Variants in LANCL1 observed in about 807,000 individuals in gnomAD.
LANCL1 encodes glutathione S-transferase LANCL1.
A neutral mutation model predicts 50.6 loss-of-function variants in LANCL1; 50 were observed. The observed-to-expected ratio is 0.99, with a 90% CI of 0.79 to 1.25. LANCL1 has a LOEUF of 1.25. LANCL1 is among the 50% of genes most tolerant of loss of function. The pLI is 0.00. For missense variants in LANCL1, 532 were observed against 480.7 expected (o/e 1.11, Z -1.00); for synonymous variants, 188 against 178.6 (o/e 1.05, Z -0.42).
At chr2:210,457,178 G>T (rs993159707) in intron 3 of LANCL1, among the ~76,000 whole-genome samples, 6 of 152,252 alleles carry the variant, frequency 3.9e-5, no homozygotes, top group African/African-American at 1.4e-4. Context: ...TGGTGGAAAA[G>T]GACTTTAAGT....
intron 4 of LANCL1, among the ~76,000 whole-genome samples, 171 bp from the exon 5 acceptor site, chr2:210,441,614 TCTTCA>T (rs1398314111): frequency 3.9e-5 from 6 of 152,304 alleles, no homozygotes; most frequent in African/African-American, 1.4e-4. Context: ...CCATTAAATT[TCTTCA>T]CTTAACAATG....
At chr2:210,463,939 T>C (rs3770693) in intron 3 of LANCL1, among the ~76,000 whole-genome samples, 19,939 of 152,224 alleles carry the variant, frequency 0.13, 1,675 homozygotes, top group African/African-American at 0.22. Flanking sequence ...GAAATGACGT[T>C]TGAGTTCTAT....
intron 6 of LANCL1, among the ~76,000 whole-genome samples, chr2:210,439,324 ATT>A (rs1693046165): frequency 1.3e-5 from 2 of 152,244 alleles, no homozygotes; most frequent in African/African-American, 4.8e-5. Context: ...TCTCCTGATT[ATT>A]TGTTTCAATG....
intron 9 of LANCL1, 91 bp from the exon 10 acceptor site, chr2:210,434,654 A>G: frequency 3.9e-6 from 4 of 1,030,258 alleles, no homozygotes; most frequent in Non-Finnish European, 5.9e-6. Context: ...ATTGACAAAA[A>G]AAGTCACAGC....
chr2:210,449,405 G>A (rs1004718307), intron 4 of LANCL1, among the ~76,000 whole-genome samples: 10 of 152,146 alleles, frequency 6.6e-5, no homozygotes, highest in Admixed American at 5.9e-4. Flanking sequence ...CATACTGAAT[G>A]GGCAAAAACT....
chr2:210,472,167 T>C (rs1694246385), intron 2 of LANCL1, 91 bp from the exon 3 acceptor site: 1 of 854,062 alleles, frequency 1.2e-6, no homozygotes, highest in African/African-American at 1.7e-5. Flanking sequence ...GTATTTCTTT[T>C]CCACTTAGGA....
chr2:210,434,978 G>A (rs190372856), intron 9 of LANCL1, among the ~76,000 whole-genome samples: 1 of 152,292 alleles, frequency 6.6e-6, no homozygotes, highest in Admixed American at 6.5e-5. Context: ...CACTAGTGAG[G>A]TGTTCAGCCT....
In LANCL1 at chr2:210,437,848, TC is replaced by T; in HGVS notation, c.714del (p.Lys239SerfsTer10). ...LMQPSLQVSQ[G>X]KLHSLVKPSV... ...CTGGGCTTGACCAAACTATGTAACT[TC>T]CCTTGGCTCACTTGAAGGCTGGGCT... On this transcript the variant is annotated frameshift_variant, in exon 7 of 10. Coordinates refer to ENST00000450366, the MANE Select transcript of LANCL1 (RefSeq NM_006055.3). LOFTEE classifies it high-confidence loss of function. 1 of 1,598,410 alleles carries T rather than the reference TC, an allele frequency of 6.3e-7. No individual in the cohort carries two copies. Among genetic ancestry groups the T allele is most frequent in the Non-Finnish European group, 8.5e-7 (1 of 1,174,618 alleles).
chr2:210,439,415 T>A (rs1693049563), intron 6 of LANCL1, among the ~76,000 whole-genome samples: 1 of 152,208 alleles, frequency 6.6e-6, no homozygotes. Flanking sequence ...GATAAGGCTG[T>A]CTAATCCTCT....
At position 210,440,728 on chromosome 2, in the gene LANCL1, A is replaced by C. The variant is rs1361983438; in HGVS notation, c.560T>G (p.Leu187Ter). ...CCTAGCTAGGTTTTCTCCAGAGGTT[A>C]AAATTGTTTCACAAATCTACAGGGA... Reference protein sequence around the residue: ...SHIQQICETILTSGENLARKR... With the variant: ...SHIQQICETI Residue 187 changes from leucine to a stop codon, truncating the protein, a stop_gained, in exon 6 of 10, where the codon TTA becomes TGA. Coordinates refer to ENST00000450366, the MANE Select transcript of LANCL1 (RefSeq NM_006055.3). LOFTEE classifies it high-confidence loss of function. The C allele has an allele frequency of 1.9e-6, 3 of 1,613,550 alleles. No individual in the cohort carries two copies. Among genetic ancestry groups the C allele is most frequent in the Non-Finnish European group, 2.5e-6 (3 of 1,179,830 alleles).
intron 4 of LANCL1, among the ~76,000 whole-genome samples, chr2:210,454,219 TACACACACACACACACACAC>T (rs3836055): frequency 0.025 from 3,635 of 147,714 alleles, 84 homozygotes; most frequent in Middle Eastern, 0.059. Context: ...TATGCATACA[TACACACACACACACACACAC>T]ACACACACAC....
intron 2 of LANCL1, among the ~76,000 whole-genome samples, chr2:210,474,653 G>A (rs559494971): frequency 6.6e-6 from 1 of 152,142 alleles, no homozygotes; most frequent in Non-Finnish European, 1.5e-5. Context: ...TTGGGCCTGG[G>A]AGGCAGAAGT....
intron 3 of LANCL1, chr2:210,468,592 C>T (rs1271175715): frequency 6.6e-6 from 1 of 152,188 alleles, no homozygotes; most frequent in African/African-American, 2.4e-5. Flanking sequence ...AAAGTAAGCA[C>T]AACTGAAATG....
At position 210,476,636 on chromosome 2, in the gene LANCL1, C is replaced by T. The variant is rs1219996344; in HGVS notation, c.-33G>A. 4 of 1,281,392 alleles carry T rather than the reference C, an allele frequency of 3.1e-6. No individual in the cohort carries two copies. The highest frequency in any genetic ancestry group is 3.9e-6 in the Non-Finnish European group (4 of 1,013,078). The allele number at this position is 1,281,392 out of a possible 1,614,324, so 79.4% of individuals were successfully genotyped here. Reference sequence around the variant, plus strand: ...TTAACCCACCCGGACAAAGAGGCCCCGTTTTGCAACCCCGTTCCCACGCCC... The same window carrying T: ...TTAACCCACCCGGACAAAGAGGCCCTGTTTTGCAACCCCGTTCCCACGCCC... On this transcript the variant is annotated 5_prime_UTR_variant, in exon 1 of 10. Coordinates refer to ENST00000450366, the MANE Select transcript of LANCL1 (RefSeq NM_006055.3).
At chr2:210,436,553 A>T (rs1051625203) in intron 7 of LANCL1, among the ~76,000 whole-genome samples, 161 bp from the exon 8 acceptor site, 1 of 152,210 alleles carries the variant, frequency 6.6e-6, no homozygotes, top group Non-Finnish European at 1.5e-5. Flanking sequence ...GACAATTACT[A>T]AAATCGACTA....
At chr2:210,465,199 ATC>A (rs1450921060) in intron 3 of LANCL1, among the ~76,000 whole-genome samples, 5 of 152,240 alleles carry the variant, frequency 3.3e-5, no homozygotes, top group African/African-American at 1.2e-4. Context: ...TGAGATCATT[ATC>A]TCTGTCTCTC....
At chr2:210,473,031 G>A (rs1026830141) in intron 2 of LANCL1, among the ~76,000 whole-genome samples, 2 of 152,096 alleles carry the variant, frequency 1.3e-5, no homozygotes, top group African/African-American at 4.8e-5. Context: ...CTTCTTAAAG[G>A]CAAATGAAAA....
chr2:210,437,958 G>T, intron 6 of LANCL1, 86 bp from the exon 7 acceptor site: 1 of 952,104 alleles, frequency 1.1e-6, no homozygotes, highest in South Asian at 2.8e-5. Context: ...AAAAAAGCAT[G>T]GCTAAGGGGA....
chr2:210,455,318 A>AAG lies in LANCL1; in HGVS notation c.200-5_200-4insCT, dbSNP rs1406989329. 2.8e-5 allele frequency: 36 copies of AAG among 1,265,060 alleles called. No individual in the cohort carries two copies. The highest frequency in any genetic ancestry group is 3.7e-5 in the Non-Finnish European group (36 of 968,612). The allele number at this position is 1,265,060 out of a possible 1,614,324, so 78.4% of individuals were successfully genotyped here. A position where few individuals can be genotyped will look rare whatever the true frequency, so the allele number is the denominator to read the frequency against. Reference sequence around the variant, plus strand: ...TGTAAGTAAAGCACAGCAATACCTGAAAAAAAAAAAAGGAAACAATGTAAA... The same window carrying AAG: ...TGTAAGTAAAGCACAGCAATACCTGAAGAAAAAAAAAAAGGAAACAATGTAAA... On this transcript the variant is annotated splice_region_variant and splice_polypyrimidine_tract_variant and intron_variant, in intron 3 of 9. Transcript: ENST00000450366.
Sources: allele counts gnomAD v4.1 joint callset (sites outside exome capture counted in the v4.1 genomes callset), GRCh38; gene constraint gnomAD v4.1.1; transcripts MANE v1.5; gene names NCBI Gene and HGNC (gene_info 2026-07-23, HGNC 2026-07-21).